SGCZ: variants seen among roughly 807,000 people sequenced by gnomAD.
SGCZ encodes the protein zeta-sarcoglycan.
In SGCZ, 40 loss-of-function variants were observed where a neutral mutation model predicts 41.3. The observed-to-expected ratio is 0.97, with a 90% CI of 0.75 to 1.26. SGCZ has a LOEUF of 1.26. Ranked by LOEUF, SGCZ falls within the 50% of genes most tolerant of loss-of-function variation. SGCZ has a pLI of 0.00. For missense variants in SGCZ, 552 were observed against 369.8 expected (o/e 1.49, Z -4.04); for synonymous variants, 206 against 137.5 (o/e 1.50, Z -3.49).
chr8:14,524,718 G>A (rs1355290881), intron 2 of SGCZ, among the ~76,000 whole-genome samples: 3 of 151,952 alleles, frequency 2.0e-5, no homozygotes, highest in South Asian at 2.1e-4. Flanking sequence ...TTCTCTGCAC[G>A]GTTTTTAATC....
At chr8:15,212,722 G>C (rs773007784) in intron 1 of SGCZ, among the ~76,000 whole-genome samples, 1 of 151,604 alleles carries the variant, frequency 6.6e-6, no homozygotes, top group Non-Finnish European at 1.5e-5. Flanking sequence ...AGGTAAAGCA[G>C]AATTTTGACT....
chr8:14,301,182 T>C (rs1248603862), intron 3 of SGCZ, among the ~76,000 whole-genome samples: 1 of 152,006 alleles, frequency 6.6e-6, no homozygotes, highest in East Asian at 1.9e-4. Context: ...AGTATTAACA[T>C]GTACAACCTT....
intron 1 of SGCZ, among the ~76,000 whole-genome samples, chr8:14,904,659 T>C (rs922448165): frequency 3.3e-5 from 5 of 152,008 alleles, no homozygotes; most frequent in African/African-American, 1.2e-4. Flanking sequence ...GTGAAAGAGA[T>C]TCTCTCCTCA....
At chr8:14,133,993 T>C (rs941354140) in intron 5 of SGCZ, among the ~76,000 whole-genome samples, 5 of 152,210 alleles carry the variant, frequency 3.3e-5, no homozygotes, top group African/African-American at 1.2e-4. Context: ...TTCAAATTGA[T>C]CCACCAGAAT....
intron 1 of SGCZ, among the ~76,000 whole-genome samples, chr8:14,562,294 T>C (rs1434312751): frequency 6.6e-6 from 1 of 152,130 alleles, no homozygotes; most frequent in Non-Finnish European, 1.5e-5. Context: ...TTTCATTTAA[T>C]AAAATATTTA....
At chr8:14,105,769 C>A (rs1279222830) in intron 6 of SGCZ, among the ~76,000 whole-genome samples, 1 of 152,100 alleles carries the variant, frequency 6.6e-6, no homozygotes, top group East Asian at 1.9e-4. Context: ...ATATCATTCG[C>A]ATTTTCACTT....
At chr8:14,788,759 A>T (rs1167971829) in intron 1 of SGCZ, among the ~76,000 whole-genome samples, 1 of 152,142 alleles carries the variant, frequency 6.6e-6, no homozygotes, top group African/African-American at 2.4e-5. Flanking sequence ...GCAAGAAATA[A>T]AGCGCTAGCT....
At chr8:14,521,061 T>C (rs543288142) in intron 2 of SGCZ, among the ~76,000 whole-genome samples, 2 of 152,254 alleles carry the variant, frequency 1.3e-5, no homozygotes, top group Admixed American at 6.5e-5. Flanking sequence ...GTGTACATCG[T>C]ACTCAGCTTC....
intron 1 of SGCZ, among the ~76,000 whole-genome samples, chr8:14,678,817 G>C (rs751539027): frequency 1.3e-5 from 2 of 152,012 alleles, no homozygotes; most frequent in Non-Finnish European, 2.9e-5. Flanking sequence ...AAATACACTG[G>C]TACACCCAGA....
At chr8:14,903,913 A>C (rs1456719177) in intron 1 of SGCZ, among the ~76,000 whole-genome samples, 1 of 152,052 alleles carries the variant, frequency 6.6e-6, no homozygotes, top group Non-Finnish European at 1.5e-5. Context: ...AAAGCTTTAC[A>C]TTAAGAGGGT....
chr8:14,829,520 T>G (rs1446958191), intron 1 of SGCZ, among the ~76,000 whole-genome samples: 3 of 152,220 alleles, frequency 2.0e-5, no homozygotes, highest in Non-Finnish European at 4.4e-5. Flanking sequence ...GTTTGAATAG[T>G]TATATTCAAG....
At position 14,938,091 on chromosome 8, in the gene SGCZ, T is replaced by A. The variant is rs573952952; in HGVS notation, c.39+299494A>T. ...ACACTAACACATATATACATAATGATGCATATTATATTTGTAAAATGTTTT... is the reference window on the plus strand; with the variant it reads ...ACACTAACACATATATACATAATGAAGCATATTATATTTGTAAAATGTTTT... On this transcript the variant is annotated intron_variant, in intron 1 of 7. Transcript: ENST00000382080. Among the ~76,000 whole-genome samples the A allele has an allele frequency of 2.0e-5, 3 of 152,274 alleles. No individual in the cohort carries two copies. In the South Asian group the frequency reaches 6.2e-4, roughly 32 times the overall value.
intron 1 of SGCZ, among the ~76,000 whole-genome samples, chr8:14,877,081 C>G (rs1237900722): frequency 6.6e-6 from 1 of 152,180 alleles, no homozygotes; most frequent in Non-Finnish European, 1.5e-5. Flanking sequence ...TCAAGCAATT[C>G]CCCTGCCTCA....
chr8:14,496,479 G>C (rs1801991788), intron 2 of SGCZ, among the ~76,000 whole-genome samples: 1 of 152,066 alleles, frequency 6.6e-6, no homozygotes, highest in African/African-American at 2.4e-5. Context: ...GGAGTATTTG[G>C]TGCATCTTAC....
chr8:15,151,464 G>C (rs1386987962), intron 1 of SGCZ, among the ~76,000 whole-genome samples: 1 of 152,166 alleles, frequency 6.6e-6, no homozygotes, highest in African/African-American at 2.4e-5. Flanking sequence ...TAATATCAGT[G>C]AAAAGTTGGA....
intron 4 of SGCZ, among the ~76,000 whole-genome samples, chr8:14,236,619 G>A (rs972014892): frequency 4.0e-5 from 6 of 151,246 alleles, no homozygotes; most frequent in African/African-American, 1.5e-4. Context: ...CCTCAAAATT[G>A]TAATTTACTT....
chr8:14,349,906 C>CA (rs1172440213), intron 2 of SGCZ, among the ~76,000 whole-genome samples: 1 of 152,046 alleles, frequency 6.6e-6, no homozygotes, highest in Non-Finnish European at 1.5e-5. Context: ...ACAGGATAAT[C>CA]AAAAGCTCAG....
intron 1 of SGCZ, among the ~76,000 whole-genome samples, chr8:15,166,459 A>G (rs1799669786): frequency 6.6e-6 from 1 of 152,046 alleles, no homozygotes; most frequent in Non-Finnish European, 1.5e-5. Flanking sequence ...CGTGTTAGCC[A>G]GGATGGTCTC....
chr8:15,062,583 C>G (rs1277548082), intron 1 of SGCZ, among the ~76,000 whole-genome samples: 3 of 152,044 alleles, frequency 2.0e-5, no homozygotes, highest in Non-Finnish European at 4.4e-5. Context: ...GGAAAATCAG[C>G]CCATCTGAAT....
Sources: gnomAD v4.1 joint callset for allele counts (sites outside exome capture counted in the v4.1 genomes callset) on GRCh38, gnomAD v4.1.1 for gene constraint, MANE v1.5 for transcripts, NCBI Gene and HGNC (gene_info 2026-07-23, HGNC 2026-07-21) for gene names.